The following CCDC110 variants were observed in gnomAD, a reference collection of about 807,000 sequenced individuals.
CCDC110 encodes the protein coiled-coil domain containing 110.
A neutral mutation model predicts 77.1 loss-of-function variants in CCDC110; 70 were observed. The observed-to-expected ratio is 0.91, with a 90% CI of 0.75 to 1.11. The LOEUF is 1.11. Ranked by LOEUF, CCDC110 falls within the 50% of genes least tolerant of loss-of-function variation. The pLI, the probability that CCDC110 is intolerant of heterozygous loss-of-function variation, is 0.00. For synonymous variants in CCDC110, 295 were observed against 312.5 expected, an observed-to-expected ratio of 0.94 and a Z score of 0.59; for missense variants, 868 against 942.9, an observed-to-expected ratio of 0.92 and a Z score of 1.04.
At chr4:185,451,151 G>A (rs1305133486) in intron 6 of CCDC110, among the ~76,000 whole-genome samples, 12 of 152,128 alleles carry the variant, frequency 7.9e-5, no homozygotes, top group East Asian at 1.9e-4. Flanking sequence ...CATGCAAGAT[G>A]TGCCTTTCAC....
chr4:185,467,095 G>A lies in CCDC110; in HGVS notation c.115+3850C>T, dbSNP rs138470181. 7.2e-3 allele frequency among the ~76,000 whole-genome samples: 1,103 copies of A among 152,294 alleles called. 16 individuals carry two copies. Among genetic ancestry groups the A allele is most frequent in the African/African-American group, 0.025 (1,041 of 41,558 alleles). The stretch of plus-strand genomic sequence containing the variant: ...TGTTCAAGATTTGAGAACAGGAGGA[G>A]TGAAATAGCTTTTTTGCAGAGGATT... On this transcript the variant is annotated intron_variant, in intron 2 of 6. Coordinates refer to ENST00000307588, the MANE Select transcript of CCDC110 (RefSeq NM_152775.4).
intron 4 of CCDC110, 122 bp downstream of exon 4, chr4:185,462,521 G>T (rs2095648250): frequency 3.2e-5 from 23 of 720,736 alleles, no homozygotes; most frequent in Non-Finnish European, 5.1e-5. Flanking sequence ...CCTAGAATAT[G>T]CTGTGGCCTC....
intron 2 of CCDC110, among the ~76,000 whole-genome samples, chr4:185,466,182 T>C (rs1409613112): frequency 6.6e-6 from 1 of 152,040 alleles, no homozygotes; most frequent in South Asian, 2.1e-4. Flanking sequence ...GAGACCATCC[T>C]GGCTAACATG....
chr4:185,457,230 A>T (rs887568487), intron 6 of CCDC110: 1 of 455,672 alleles, frequency 2.2e-6, no homozygotes, highest in African/African-American at 2.0e-5. Context: ...GTCTTGGAAG[A>T]CAGAGTGTCT....
rs768425991 is a variant in CCDC110, at chr4:185,460,005, C to T, written c.582G>A (p.Leu194=). ...AACGATAAAAGTTATTATAATTCTT[C>T]AAGATGTCAGAATTTTCTGAAGGGT... ...IIHPSENSDI[L]KNYNNFYRFL... The change falls in exon 6 of 7, where the codon TTG becomes TTA. Residue 194 remains leucine (L), a synonymous_variant. Transcript: ENST00000307588. 8.1e-6 allele frequency: 13 copies of T among 1,613,388 alleles called. No homozygotes were observed. The highest frequency in any genetic ancestry group is 1.0e-5 in the Non-Finnish European group (12 of 1,179,622).
chr4:185,471,533 G>A (rs369497539), intron 1 of CCDC110, 141 bp downstream of exon 1: 3 of 948,166 alleles, frequency 3.2e-6, no homozygotes, highest in South Asian at 1.5e-5. Flanking sequence ...CCCTAGGGCC[G>A]AGCGGGAGAT....
In CCDC110 at chr4:185,471,040, T is replaced by A. The variant is rs28629170; in HGVS notation, c.20A>T (p.His7Leu). 1 of 1,559,024 alleles carries A rather than the reference T, an allele frequency of 6.4e-7. No individual in the cohort carries two copies. Among genetic ancestry groups the A allele is most frequent in the South Asian group, 1.1e-5 (1 of 89,432 alleles). Residue 7 changes from histidine to leucine, a missense_variant, in exon 2 of 7, where the codon CAC (histidine) becomes CTC (leucine). His to Leu is a moderately conservative substitution (Grantham distance 99, BLOSUM62 -3). Transcript: ENST00000307588. MSPEKQHREEDEVDSVL... is the reference protein window; with the variant it reads MSPEKQLREEDEVDSVL... Reference sequence around the variant, plus strand: ...GGAGTCAACTTCATCCTCTTCCCGGTGCTGCTTTTCTGTAACAGAACCGTC... The same window carrying A: ...GGAGTCAACTTCATCCTCTTCCCGGAGCTGCTTTTCTGTAACAGAACCGTC...
chr4:185,455,199 AAC>A (rs1255188612), intron 6 of CCDC110, among the ~76,000 whole-genome samples: 1 of 151,900 alleles, frequency 6.6e-6, no homozygotes, highest in Non-Finnish European at 1.5e-5. Flanking sequence ...TTTTAACACT[AAC>A]ACTCTATTTT....
At position 185,459,711 on chromosome 4, in the gene CCDC110, G is replaced by T. The variant is rs757133264; in HGVS notation, c.876C>A (p.Asn292Lys). Residue 292 changes from asparagine (N) to lysine (K), a missense_variant, in exon 6 of 7, where the codon AAC becomes AAA. Transcript: ENST00000307588. ...CGTCCAAGTTTTCTTCCTTAATAAA[G>T]TTCATTTTATCCTGGTGAATAGGGG... is the stretch of plus-strand genomic sequence containing the variant. ...DMSPIHQDKM[N>K]FIKEENLDGN... 1 of 1,613,044 alleles carries T rather than the reference G, an allele frequency of 6.2e-7. No homozygotes were observed. The highest frequency in any genetic ancestry group is 1.1e-5 in the South Asian group (1 of 90,810).
Position 185,445,365 on chromosome 4 carries a change from G to A in CCDC110, c.*137C>T, listed in dbSNP as rs2095607423. The A allele has an allele frequency of 9.1e-6, 7 of 773,052 alleles. No individual in the cohort carries two copies. Among genetic ancestry groups the A allele is most frequent in the Non-Finnish European group, 1.5e-5 (7 of 477,158 alleles). The allele number at this position is 773,052 out of a possible 1,614,324, so 47.9% of individuals were successfully genotyped here. ...TAAGTTATCTGCACCAAACCATTCT[G>A]TGCATAATTTTTAAAGCAAATATAT... On this transcript the variant is annotated 3_prime_UTR_variant, in exon 7 of 7. Transcript: ENST00000307588.
At position 185,463,395 on chromosome 4, in the gene CCDC110, A is replaced by G. The variant is rs112314889; in HGVS notation, c.116-346T>C. 8.0e-4 allele frequency among the ~76,000 whole-genome samples: 122 copies of G among 152,350 alleles called. 1 individual carries two copies. The highest frequency in any genetic ancestry group is 2.8e-3 in the African/African-American group (117 of 41,586). ...GCTCATATTATGGGAGACCCTTGGCAAAGTAGTATACAGGCCTCAATTTCT... is the reference window on the plus strand; with the variant it reads ...GCTCATATTATGGGAGACCCTTGGCGAAGTAGTATACAGGCCTCAATTTCT... On this transcript the variant is annotated intron_variant, in intron 2 of 6. Coordinates refer to ENST00000307588, the MANE Select transcript of CCDC110 (RefSeq NM_152775.4).
At chr4:185,470,771 A>G in intron 2 of CCDC110, 174 bp downstream of exon 2, 1 of 697,800 alleles carries the variant, frequency 1.4e-6, no homozygotes. Flanking sequence ...GTGAGAATTA[A>G]ACAGTTGATC....
intron 2 of CCDC110, among the ~76,000 whole-genome samples, chr4:185,466,111 C>T (rs563596586): frequency 6.6e-6 from 1 of 152,226 alleles, no homozygotes; most frequent in South Asian, 2.1e-4. Flanking sequence ...TGCAGTGGCT[C>T]GCACCTGTAA....
At position 185,460,083 on chromosome 4, in the gene CCDC110, G is replaced by A. The variant is rs1448967789; in HGVS notation, c.504C>T (p.Asp168=). 1 of 1,613,672 alleles carries A rather than the reference G, an allele frequency of 6.2e-7. No homozygotes were observed. The highest frequency in any genetic ancestry group is 2.2e-5 in the East Asian group (1 of 44,842). ...VNVPSQIHSE[D]TLTLRTSTDN... ...CTGTTGAAGTTCTCAGAGTTAATGT[G>A]TCCTCGGAATGTATCTGGGATGGAA... Residue 168 remains aspartate (D), a synonymous_variant, in exon 6 of 7, where the codon GAC becomes GAT. Coordinates refer to ENST00000307588, the MANE Select transcript of CCDC110 (RefSeq NM_152775.4).
At position 185,459,126 on chromosome 4, in the gene CCDC110, CT is replaced by C; in HGVS notation, c.1460del (p.Lys487ArgfsTer8). 6.3e-7 allele frequency: 1 copy of C among 1,596,578 alleles called. No individual in the cohort carries two copies. Among genetic ancestry groups the C allele is most frequent in the Non-Finnish European group, 8.5e-7 (1 of 1,169,672 alleles). On this transcript the variant is annotated frameshift_variant, in exon 6 of 7. Transcript: ENST00000307588. LOFTEE classifies it high-confidence loss of function. Reference sequence around the variant, plus strand: ...TACTTAACTTAGACTGAATAGTACTCTTTTCTTCAACCAGATTCTTAAGTTG... The same window carrying C: ...TACTTAACTTAGACTGAATAGTACTCTTTCTTCAACCAGATTCTTAAGTTG... ...EKQLKNLVEE[K>X]STIQSKLSKT... is the part of the protein sequence containing the mutation.
chr4:185,464,828 T>C (rs1242492417), intron 2 of CCDC110, among the ~76,000 whole-genome samples: 1 of 152,216 alleles, frequency 6.6e-6, no homozygotes, highest in Non-Finnish European at 1.5e-5. Flanking sequence ...AAATTATTTC[T>C]AGTATTTGGA....
chr4:185,460,967 G>T, intron 5 of CCDC110, 82 bp downstream of exon 5: 1 of 367,656 alleles, frequency 2.7e-6, no homozygotes, highest in South Asian at 2.5e-5. Context: ...TAACAAAGAG[G>T]ACCATGTAAA....
At position 185,463,051 on chromosome 4, in the gene CCDC110, T is replaced by C. The variant is rs1554033701; in HGVS notation, c.116-2A>G. The C allele has an allele frequency of 6.2e-7, 1 of 1,611,292 alleles. No homozygotes were observed. The highest frequency in any genetic ancestry group is 8.5e-7 in the Non-Finnish European group (1 of 1,178,312). On this transcript the variant is annotated splice_acceptor_variant, in intron 2 of 6. Transcript: ENST00000307588. LOFTEE classifies it high-confidence loss of function. ...CTGATTCTGCTATGCAGCCATATTCTAAGAAGCAAAATTGAAAAACCATGT... is the reference window on the plus strand; with the variant it reads ...CTGATTCTGCTATGCAGCCATATTCCAAGAAGCAAAATTGAAAAACCATGT...
rs371504702 is a variant in CCDC110 at position 185,471,670 on chromosome 4, T to C, written c.10+4A>G. ...CTAGGAGCCCCGCCCCGTCCAACTC[T>C]TACCCGGGCTCATCGCCGCGGCTCA... is the stretch of plus-strand genomic sequence containing the variant. On this transcript the variant is annotated splice_donor_region_variant and intron_variant, in intron 1 of 6. Transcript: ENST00000307588. The C allele has an allele frequency of 1.0e-4, 160 of 1,557,910 alleles. No individual in the cohort carries two copies. In the African/African-American group the frequency reaches 2.0e-3, roughly 20 times the overall value.
Sources: allele counts gnomAD v4.1 joint callset (sites outside exome capture counted in the v4.1 genomes callset), GRCh38; gene constraint gnomAD v4.1.1; transcripts MANE v1.5; gene names NCBI Gene and HGNC (gene_info 2026-07-23, HGNC 2026-07-21).